Variants in VWA3B observed in about 807,000 individuals in gnomAD.
The protein encoded by VWA3B is von Willebrand factor A domain-containing protein 3B.
Under a neutral mutation model 158.3 loss-of-function variants are expected in VWA3B, and 138 were observed. The observed-to-expected ratio is 0.87, with a 90% CI of 0.76 to 1.00. VWA3B has a LOEUF of 1.00. Ranked by LOEUF, VWA3B falls within the 50% of genes least tolerant of loss-of-function variation. VWA3B has a pLI of 0.00. For synonymous variants in VWA3B, 596 were observed against 587.3 expected (o/e 1.01, Z -0.21); for missense variants, 1,555 against 1,565.1 (o/e 0.99, Z 0.11).
chr2:98,253,787 T>C (rs547514267), intron 20 of VWA3B, among the ~76,000 whole-genome samples: 9 of 152,204 alleles, frequency 5.9e-5, no homozygotes, highest in Non-Finnish European at 1.3e-4. Context: ...GCCAAATTTC[T>C]CTCTCCTACA....
At chr2:98,311,440 T>G (rs1033857944) in intron 26 of VWA3B, among the ~76,000 whole-genome samples, 3 of 152,356 alleles carry the variant, frequency 2.0e-5, no homozygotes, top group Admixed American at 2.0e-4. Flanking sequence ...ATCTCTGATG[T>G]ACAAGCTCCA....
At chr2:98,323,034 C>A in the VWA3B span, among the ~76,000 whole-genome samples, 3 of 152,148 alleles carry the variant, frequency 2.0e-5, no homozygotes, top group Non-Finnish European at 4.4e-5. Context: ...TCCAGAATCA[C>A]TAGAATATAT....
intron 13 of VWA3B, among the ~76,000 whole-genome samples, chr2:98,215,541 A>C (rs1018534521): frequency 2.0e-5 from 3 of 151,686 alleles, no homozygotes; most frequent in African/African-American, 7.3e-5. Context: ...TCTTTGAGAC[A>C]GAGTCTGGCT....
Position 98,280,371 on chromosome 2 carries a change from C to A in VWA3B, c.3045+9488C>A, listed in dbSNP as rs550404407. 3.9e-5 allele frequency among the ~76,000 whole-genome samples: 6 copies of A among 152,256 alleles called. No individual in the cohort carries two copies. In the East Asian group the frequency reaches 9.6e-4, roughly 24 times the overall value. ...AAGAAAGAGAGAGAGAGAAAAAAAA[C>A]ACACAAGTTTATTTTCAGCAAAGCT... On this transcript the variant is annotated intron_variant, in intron 22 of 27. Coordinates refer to ENST00000477737, the MANE Select transcript of VWA3B (RefSeq NM_144992.5).
intron 25 of VWA3B, among the ~76,000 whole-genome samples, chr2:98,301,866 A>G (rs1690214800): frequency 6.6e-6 from 1 of 152,124 alleles, no homozygotes; most frequent in Non-Finnish European, 1.5e-5. Flanking sequence ...TAATATGGTC[A>G]AATTTATCCC....
At chr2:98,239,357 T>A (rs1005129259) in intron 19 of VWA3B, among the ~76,000 whole-genome samples, 1 of 23,260 alleles carries the variant, frequency 4.3e-5, no homozygotes, top group Admixed American at 3.2e-4. Context: ...AAATGAAATA[T>A]CGTGCTAAAT....
chr2:98,265,801 T>C (rs1330856518), intron 21 of VWA3B, among the ~76,000 whole-genome samples: 5 of 147,300 alleles, frequency 3.4e-5, no homozygotes, highest in Non-Finnish European at 7.5e-5. Flanking sequence ...CCAGTGATGA[T>C]GAGCATTTTT....
At chr2:98,306,694 A>T (rs886844249) in intron 26 of VWA3B, among the ~76,000 whole-genome samples, 1 of 152,202 alleles carries the variant, frequency 6.6e-6, no homozygotes, top group Non-Finnish European at 1.5e-5. Flanking sequence ...GTTATCAATC[A>T]TTATTTTAGA....
chr2:98,254,177 A>G (rs1193465319), intron 20 of VWA3B, among the ~76,000 whole-genome samples: 1 of 152,150 alleles, frequency 6.6e-6, no homozygotes, highest in African/African-American at 2.4e-5. Context: ...TATGCATCTC[A>G]CTTAATCCTC....
At chr2:98,204,834 G>A (rs959697277) in intron 12 of VWA3B, among the ~76,000 whole-genome samples, 1 of 152,168 alleles carries the variant, frequency 6.6e-6, no homozygotes, top group South Asian at 2.1e-4. Context: ...GTGCGGCCAG[G>A]CACGGTAGGT....
intron 25 of VWA3B, among the ~76,000 whole-genome samples, chr2:98,303,421 GGTGTGTGTGTGT>G (rs58157632): frequency 3.4e-5 from 5 of 146,650 alleles, no homozygotes; most frequent in East Asian, 2.0e-4. Context: ...GTTATGTGAA[GGTGTGTGTGTGT>G]GTGTGTGTGT....
At chr2:98,227,073 G>C (rs771152932) in intron 14 of VWA3B, among the ~76,000 whole-genome samples, 6 of 152,132 alleles carry the variant, frequency 3.9e-5, no homozygotes, top group Admixed American at 1.3e-4. Flanking sequence ...AGAAATAAAG[G>C]GTGTTCAAAT....
intron 20 of VWA3B, among the ~76,000 whole-genome samples, chr2:98,253,611 G>T (rs1186892700): frequency 6.6e-6 from 1 of 152,110 alleles, no homozygotes; most frequent in Non-Finnish European, 1.5e-5. Flanking sequence ...CTGGCTTGGG[G>T]ACCATGCTTA....
intron 12 of VWA3B, chr2:98,206,523 T>G (rs1683038663): frequency 2.0e-6 from 1 of 493,954 alleles, no homozygotes; most frequent in Non-Finnish European, 4.0e-6. Context: ...CAGAAAGTCC[T>G]GGATTCTGGT....
chr2:98,166,945 C>A (rs988185630), intron 8 of VWA3B, among the ~76,000 whole-genome samples: 3 of 152,276 alleles, frequency 2.0e-5, no homozygotes, highest in Middle Eastern at 3.4e-3. Flanking sequence ...GCCATCTCAG[C>A]TTTCGTAGCT....
At position 98,163,941 on chromosome 2, in the gene VWA3B, C is replaced by T. The variant is rs180946166; in HGVS notation, c.1114+965C>T. On this transcript the variant is annotated intron_variant, in intron 8 of 27. Coordinates refer to ENST00000477737, the MANE Select transcript of VWA3B (RefSeq NM_144992.5). ...AGCATAGAAGTGCAAAGGTTGAGGC[C>T]TCGCTGAGAAGAGCATTCAGAGGAG... Among the ~76,000 whole-genome samples, 220 of 152,292 alleles carry T rather than the reference C, an allele frequency of 1.4e-3. 2 individuals are homozygous for T. The highest frequency in any genetic ancestry group is 0.011 in the South Asian group (55 of 4,826).
chr2:98,299,021 CT>C (rs1260120478), intron 24 of VWA3B, among the ~76,000 whole-genome samples: 1 of 152,228 alleles, frequency 6.6e-6, no homozygotes, highest in African/African-American at 2.4e-5. Flanking sequence ...GGAGACTGGC[CT>C]TTGACCCTTT....
intron 8 of VWA3B, 125 bp downstream of exon 8, chr2:98,163,101 G>A (rs959617921): frequency 1.7e-5 from 24 of 1,430,986 alleles, no homozygotes; most frequent in Non-Finnish European, 2.2e-5. Context: ...CTGCTGAGGA[G>A]AGCAGCCAGA....
chr2:98,261,067 CTATT>C (rs911536647), intron 21 of VWA3B, among the ~76,000 whole-genome samples: 2 of 151,706 alleles, frequency 1.3e-5, no homozygotes, highest in African/African-American at 4.8e-5. Context: ...TGCCATTGTG[CTATT>C]TGTTTTGCAT....
Sources: gnomAD v4.1 joint callset for allele counts (sites outside exome capture counted in the v4.1 genomes callset) on GRCh38, gnomAD v4.1.1 for gene constraint, MANE v1.5 for transcripts, NCBI Gene and HGNC (gene_info 2026-07-23, HGNC 2026-07-21) for gene names.